Variants in IL1RAPL2 observed in about 807,000 individuals in gnomAD.
IL1RAPL2 encodes interleukin 1 receptor accessory protein like 2.
A neutral mutation model predicts 44.1 loss-of-function variants in IL1RAPL2; 3 were observed. That is an observed-to-expected ratio of 0.07 (90% confidence interval 0.03 to 0.18). The LOEUF (loss-of-function observed/expected upper bound fraction) is 0.18. Among genes scored for constraint, IL1RAPL2 ranks in the 10% least tolerant of loss-of-function variants. The pLI, the probability that IL1RAPL2 is intolerant of heterozygous loss-of-function variation, is 1.00. For missense variants in IL1RAPL2, 391 were observed against 496.4 expected (o/e 0.79, Z 2.02); for synonymous variants, 181 against 178.8 (o/e 1.01, Z -0.10).
chrX:104,585,409 TA>T (rs1488601798), intron 1 of IL1RAPL2, among the ~76,000 whole-genome samples: 2 of 51,281 alleles, frequency 3.9e-5, no homozygotes, highest in Non-Finnish European at 6.3e-5. Context: ...ATAATATATA[TA>T]TAATATATAT....
At chrX:105,217,434 A>G (rs2033873594) in intron 3 of IL1RAPL2, among the ~76,000 whole-genome samples, 1 of 111,975 alleles carries the variant, frequency 8.9e-6, no homozygotes, top group South Asian at 3.7e-4. Context: ...GGCGATCATT[A>G]AAAAGTCAGG....
chrX:105,406,598 C>T, intron 5 of IL1RAPL2: 6 of 1,181,486 alleles, frequency 5.1e-6, no homozygotes, highest in Non-Finnish European at 6.9e-6. Flanking sequence ...ACATTAACTT[C>T]AAAATGGCCA....
intron 6 of IL1RAPL2, among the ~76,000 whole-genome samples, chrX:105,561,819 A>T (rs2036939821): frequency 2.7e-5 from 3 of 111,982 alleles, no homozygotes; most frequent in Non-Finnish European, 3.8e-5. Context: ...CTATGCAGAA[A>T]AAAAGCAGGG....
intron 6 of IL1RAPL2, among the ~76,000 whole-genome samples, chrX:105,508,702 A>G (rs1450537129): frequency 9.1e-6 from 1 of 110,069 alleles, no homozygotes; most frequent in Non-Finnish European, 1.9e-5. Context: ...CTGAAAAGGA[A>G]GAAATGTGAA....
intron 1 of IL1RAPL2, among the ~76,000 whole-genome samples, chrX:104,656,458 G>A (rs145070849): frequency 0.019 from 2,106 of 111,865 alleles, 52 homozygotes; most frequent in African/African-American, 0.064. Context: ...GGAGCATGTT[G>A]TTCAGTTTCC....
At chrX:105,562,712 C>T (rs1242510364) in intron 6 of IL1RAPL2, among the ~76,000 whole-genome samples, 1 of 111,492 alleles carries the variant, frequency 9.0e-6, no homozygotes, top group Non-Finnish European at 1.9e-5. Flanking sequence ...TTTCAGAATG[C>T]TCTGCCTAGA....
At chrX:105,601,122 T>G (rs759962627) in intron 6 of IL1RAPL2, among the ~76,000 whole-genome samples, 1 of 111,677 alleles carries the variant, frequency 9.0e-6, no homozygotes, top group South Asian at 3.7e-4. Context: ...TTTTTTAAAT[T>G]GAATTCCAGG....
intron 5 of IL1RAPL2, among the ~76,000 whole-genome samples, chrX:105,477,089 T>G (rs1004231304): frequency 2.7e-5 from 3 of 112,077 alleles, no homozygotes; most frequent in Admixed American, 9.5e-5. Flanking sequence ...CAGCAGGTTT[T>G]GATCAGAGTC....
At chrX:104,585,889 G>A (rs993774578) in intron 1 of IL1RAPL2, among the ~76,000 whole-genome samples, 15 of 111,038 alleles carry the variant, frequency 1.4e-4, no homozygotes, top group African/African-American at 4.9e-4. Flanking sequence ...ATTGTGAATA[G>A]TGGTGCAATG....
chrX:105,755,297 A>T lies in IL1RAPL2; in HGVS notation c.1313A>T (p.His438Leu), dbSNP rs1472753479. 2.5e-6 allele frequency: 3 copies of T among 1,204,485 alleles called. No individual in the cohort carries two copies. Among genetic ancestry groups the T allele is most frequent in the Non-Finnish European group, 2.2e-6 (2 of 890,400 alleles). The change falls in exon 10 of 11, where the codon CAC (histidine) becomes CTC (leucine). Residue 438 changes from histidine (H) to leucine (L), a missense_variant. Around this residue, in one of 2 missense-constraint regions of IL1RAPL2, gnomAD observed 232 missense variants for 244.8 expected, o/e 0.95. Coordinates refer to ENST00000372582, the MANE Select transcript of IL1RAPL2 (RefSeq NM_017416.2). ...GTACTGCCAGATGTCCTGGAAAAAC[A>T]CTATGGATATAAACTCTTCATCCCA... Reference protein sequence around the residue: ...LEVLPDVLEKHYGYKLFIPER... With the variant: ...LEVLPDVLEKLYGYKLFIPER...
intron 2 of IL1RAPL2, among the ~76,000 whole-genome samples, chrX:104,829,244 C>T (rs1921544835): frequency 8.9e-6 from 1 of 111,938 alleles, no homozygotes; most frequent in South Asian, 3.7e-4. Context: ...GCTTGAAACC[C>T]AGGGCTCTTG....
At position 105,552,382 on chromosome X, in the gene IL1RAPL2, T is replaced by C. The variant is rs187821344; in HGVS notation, c.772+67995T>C. Among the ~76,000 whole-genome samples, 485 of 112,320 alleles carry C rather than the reference T, an allele frequency of 4.3e-3. 4 individuals carry two copies. The highest frequency in any genetic ancestry group is 0.015 in the African/African-American group (453 of 30,904). On this transcript the variant is annotated intron_variant, in intron 6 of 10. Transcript: ENST00000372582. ...TTGGTAACTAACCACACTTGCATTTTCCCCACCAAAATTATACCTTGTGGC... is the reference window on the plus strand; with the variant it reads ...TTGGTAACTAACCACACTTGCATTTCCCCCACCAAAATTATACCTTGTGGC...
intron 3 of IL1RAPL2, among the ~76,000 whole-genome samples, chrX:105,197,447 T>G (rs1255227785): frequency 8.9e-6 from 1 of 111,961 alleles, no homozygotes; most frequent in Non-Finnish European, 1.9e-5. Flanking sequence ...GTCCACTATG[T>G]ACAAGTGCTA....
chrX:105,720,794 C>T (rs1324886707), intron 7 of IL1RAPL2, among the ~76,000 whole-genome samples: 1 of 110,026 alleles, frequency 9.1e-6, no homozygotes, highest in Non-Finnish European at 1.9e-5. Context: ...AAATTTAAAT[C>T]ATTTTTAAAC....
At chrX:105,162,929 T>G (rs1357956221) in intron 2 of IL1RAPL2, among the ~76,000 whole-genome samples, 1 of 111,297 alleles carries the variant, frequency 9.0e-6, no homozygotes, top group East Asian at 2.8e-4. Context: ...ACCTCGTAAT[T>G]CCATCATGTT....
intron 6 of IL1RAPL2, among the ~76,000 whole-genome samples, chrX:105,589,716 TA>T (rs1464308072): frequency 4.5e-5 from 5 of 111,012 alleles, no homozygotes; most frequent in African/African-American, 1.6e-4. Context: ...CTGGGACCTC[TA>T]TTCTGTTCCT....
chrX:105,047,345 C>T (rs1602920192), intron 2 of IL1RAPL2, among the ~76,000 whole-genome samples: 2 of 111,437 alleles, frequency 1.8e-5, no homozygotes, highest in South Asian at 3.8e-4. Flanking sequence ...TATGTATGCT[C>T]GGTATGCCAT....
At chrX:105,049,161 GTT>G (rs59979651) in intron 2 of IL1RAPL2, among the ~76,000 whole-genome samples, 4 of 99,302 alleles carry the variant, frequency 4.0e-5, no homozygotes, top group African/African-American at 1.4e-4. Context: ...ACTACTTATG[GTT>G]TTTTTTTTTT....
At chrX:104,727,764 T>A (rs1931825375) in intron 2 of IL1RAPL2, among the ~76,000 whole-genome samples, 1 of 110,345 alleles carries the variant, frequency 9.1e-6, no homozygotes, top group African/African-American at 3.3e-5. Context: ...TAAAAATAAA[T>A]CATTTTGCAG....
Sources: allele counts gnomAD v4.1 joint callset (sites outside exome capture counted in the v4.1 genomes callset), GRCh38; gene constraint gnomAD v4.1.1; regional missense constraint gnomAD v4.1.1; transcripts MANE v1.5; gene names NCBI Gene and HGNC (gene_info 2026-07-23, HGNC 2026-07-21).